Variants in ACSF3 observed in about 807,000 individuals in gnomAD.
ACSF3 encodes acyl-CoA synthetase family member 3, also known as malonate--CoA ligase ACSF3, mitochondrial.
A neutral mutation model predicts 53.2 loss-of-function variants in ACSF3; 78 were observed. That is an observed-to-expected ratio of 1.47 (90% CI 1.22 to 1.77). ACSF3 has a LOEUF of 1.77. Ranked by LOEUF, ACSF3 falls within the 40% of genes most tolerant of loss-of-function variation. The pLI is 0.00. For missense variants in ACSF3, 937 were observed against 771.1 expected, an observed-to-expected ratio of 1.22 and a Z score of -2.55; for synonymous variants, 414 against 333.1, an observed-to-expected ratio of 1.24 and a Z score of -2.65.
In ACSF3 at chr16:89,154,422, C is replaced by A. The variant is rs1597283068; in HGVS notation, c.*215C>A. The A allele has an allele frequency of 1.5e-6, 1 of 672,840 alleles. No individual in the cohort carries two copies. The highest frequency in any genetic ancestry group is 2.7e-6 in the Non-Finnish European group (1 of 368,474). The allele number at this position is 672,840 out of a possible 1,614,324, so 41.7% of individuals were successfully genotyped here. On this transcript the variant is annotated 3_prime_UTR_variant, in exon 11 of 11. Coordinates refer to ENST00000614302, the MANE Select transcript of ACSF3 (RefSeq NM_001243279.3). Reference sequence around the variant, plus strand: ...CTCAAGGAGACCGTCCCTGGTGTCACCTCTGCCTGGTCACCGCCGACCTCA... The same window carrying A: ...CTCAAGGAGACCGTCCCTGGTGTCAACTCTGCCTGGTCACCGCCGACCTCA...
rs769716004 is a variant in ACSF3 at position 89,101,001 on chromosome 16, C to G, written c.320C>G (p.Ser107Cys). The change falls in exon 3 of 11, where the codon TCC becomes TGC. Residue 107 changes from serine (S) to cysteine (C), a missense_variant. Transcript: ENST00000614302. ...TCCTTCCTATGCGCTAACGATGCCTCCTACGTCGTGGCCCAGTGGGCGTCA... is the reference window on the plus strand; with the variant it reads ...TCCTTCCTATGCGCTAACGATGCCTGCTACGTCGTGGCCCAGTGGGCGTCA... ...RVSFLCANDA[S>C]YVVAQWASWM... 2 of 1,613,728 alleles carry G rather than the reference C, an allele frequency of 1.2e-6. No individual in the cohort carries two copies.
chr16:89,095,435 G>A (rs1235119404), intron 1 of ACSF3: 1 of 152,128 alleles, frequency 6.6e-6, no homozygotes, highest in African/African-American at 2.4e-5. Flanking sequence ...CAATGTGAAT[G>A]TCTGTTACTT....
In ACSF3 at chr16:89,136,022, G is replaced by C. The variant is rs532696835; in HGVS notation, c.1366+2760G>C. On this transcript the variant is annotated intron_variant, in intron 8 of 10. Transcript: ENST00000614302. ...GCTCCTGGCCTCAGGTGATCCGCCCGCCTCGGCCTCCCACAGTGCTGGGAT... is the reference window on the plus strand; with the variant it reads ...GCTCCTGGCCTCAGGTGATCCGCCCCCCTCGGCCTCCCACAGTGCTGGGAT... Among the ~76,000 whole-genome samples the C allele has an allele frequency of 4.2e-4, 64 of 152,362 alleles. 1 individual carries two copies. In the South Asian group the frequency reaches 0.013, roughly 31 times the overall value.
In ACSF3 at chr16:89,114,094, G is replaced by C. The variant is rs922117073; in HGVS notation, c.978-245G>C. 1.6e-5 allele frequency: 9 copies of C among 572,478 alleles called. No homozygotes were observed. In the Admixed American group the frequency reaches 1.8e-4, roughly 11 times the overall value. The allele number at this position is 572,478 out of a possible 1,614,324, so 35.5% of individuals were successfully genotyped here. ...TTTACCCTCATTAGCTGTTGGACCT[G>C]CTTCCTTCTAAAATACACCCAACAG... On this transcript the variant is annotated intron_variant, in intron 5 of 10. Transcript: ENST00000614302.
intron 8 of ACSF3, among the ~76,000 whole-genome samples, chr16:89,144,949 C>T (rs1051248301): frequency 6.6e-6 from 1 of 152,234 alleles, no homozygotes; most frequent in African/African-American, 2.4e-5. Flanking sequence ...CTGCTCCTGG[C>T]AGGCTCTGGA....
chr16:89,110,236 A>G (rs1976528618), intron 4 of ACSF3, among the ~76,000 whole-genome samples: 1 of 152,218 alleles, frequency 6.6e-6, no homozygotes, highest in East Asian at 1.9e-4. Context: ...AGGTCATGTC[A>G]TGAAGATATT....
At chr16:89,131,138 T>TC (rs1445050908) in intron 7 of ACSF3, among the ~76,000 whole-genome samples, 2 of 134,510 alleles carry the variant, frequency 1.5e-5, no homozygotes, top group Non-Finnish European at 3.2e-5. Context: ...TTTTTTTTTT[T>TC]TTTTTTTTTT....
At chr16:89,111,209 C>G (rs903295895) in intron 4 of ACSF3, among the ~76,000 whole-genome samples, 10 of 152,344 alleles carry the variant, frequency 6.6e-5, no homozygotes, top group South Asian at 2.1e-4. Flanking sequence ...TCTTTGTGTC[C>G]TTACATGCTT....
At chr16:89,109,637 C>G (rs1976451711) in intron 4 of ACSF3, among the ~76,000 whole-genome samples, 1 of 152,100 alleles carries the variant, frequency 6.6e-6, no homozygotes, top group South Asian at 2.1e-4. Flanking sequence ...GTCTTGAACT[C>G]CTGACCTCAA....
Position 89,154,834 on chromosome 16 carries a change from T to G in ACSF3, c.*627T>G. 2.2e-6 allele frequency: 1 copy of G among 454,122 alleles called. No individual in the cohort carries two copies. The highest frequency in any genetic ancestry group is 2.3e-5 in the Admixed American group (1 of 42,576). The allele number at this position is 454,122 out of a possible 1,614,324, so 28.1% of individuals were successfully genotyped here. A position where few individuals can be genotyped will look rare whatever the true frequency, so the allele number is the denominator to read the frequency against. ...ACACTACTGTGTGTCCATCAGCATG[T>G]GTCACAGAAAGTGCGTGGACGGATG... On this transcript the variant is annotated 3_prime_UTR_variant, in exon 11 of 11. Coordinates refer to ENST00000614302, the MANE Select transcript of ACSF3 (RefSeq NM_001243279.3).
At chr16:89,108,347 G>T (rs1314092372) in intron 4 of ACSF3, among the ~76,000 whole-genome samples, 1 of 152,186 alleles carries the variant, frequency 6.6e-6, no homozygotes, top group Non-Finnish European at 1.5e-5. Flanking sequence ...TTTCCCTTCA[G>T]CCTGGAGAAC....
chr16:89,136,805 A>C, intron 8 of ACSF3: 2 of 1,287,046 alleles, frequency 1.6e-6, no homozygotes, highest in Non-Finnish European at 2.0e-6. Flanking sequence ...CTGCTGCTCA[A>C]GGAGATGGCA....
chr16:89,145,765 C>T (rs1474121489), intron 9 of ACSF3, among the ~76,000 whole-genome samples, 173 bp from the exon 10 acceptor site: 1 of 152,196 alleles, frequency 6.6e-6, no homozygotes, highest in African/African-American at 2.4e-5. Flanking sequence ...CGTCCTCACT[C>T]CCCTCCCCAC....
chr16:89,152,581 C>G (rs1341857502), intron 10 of ACSF3: 5 of 152,244 alleles, frequency 3.3e-5, no homozygotes, highest in African/African-American at 1.2e-4. Context: ...GCAATCCAGC[C>G]TGGGCGACAG....
intron 9 of ACSF3, 104 bp downstream of exon 9, chr16:89,145,505 T>A: frequency 2.9e-6 from 4 of 1,374,510 alleles, no homozygotes; most frequent in Non-Finnish European, 4.0e-6. Context: ...CCCAGCTGCC[T>A]GCAGGGGTCC....
intron 3 of ACSF3, 129 bp downstream of exon 3, chr16:89,101,476 C>T (rs1975333987): frequency 6.6e-7 from 1 of 1,521,264 alleles, no homozygotes; most frequent in Non-Finnish European, 8.8e-7. Flanking sequence ...TCCTGCAGAC[C>T]CGTGTGAGAT....
At position 89,155,218 on chromosome 16, in the gene ACSF3, C is replaced by A; in HGVS notation, c.*1011C>A. 2.2e-6 allele frequency: 1 copy of A among 454,168 alleles called. No homozygotes were observed. Among genetic ancestry groups the A allele is most frequent in the East Asian group, 6.9e-5 (1 of 14,400 alleles). 28.1% of individuals were successfully genotyped at this position (454,168 alleles called of 1,614,324 possible). The stretch of plus-strand genomic sequence containing the variant: ...GAATAGGCTGCCTCCTCCCCACAGC[C>A]TGGGGGAAGTAACAGTCATCGCCCA... On this transcript the variant is annotated 3_prime_UTR_variant, in exon 11 of 11. Transcript: ENST00000614302.
At chr16:89,144,412 G>A (rs964280126) in intron 8 of ACSF3, among the ~76,000 whole-genome samples, 1 of 152,204 alleles carries the variant, frequency 6.6e-6, no homozygotes, top group African/African-American at 2.4e-5. Flanking sequence ...GCACCAGCAG[G>A]AGGCTCCAGG....
At chr16:89,138,015 G>A (rs1418348998) in intron 8 of ACSF3, among the ~76,000 whole-genome samples, 1 of 152,228 alleles carries the variant, frequency 6.6e-6, no homozygotes, top group African/African-American at 2.4e-5. Flanking sequence ...GTGGCAAAGG[G>A]TTAAAGGGAC....
Sources: allele counts gnomAD v4.1 joint callset (sites outside exome capture counted in the v4.1 genomes callset), GRCh38; gene constraint gnomAD v4.1.1; transcripts MANE v1.5; gene names NCBI Gene and HGNC (gene_info 2026-07-23, HGNC 2026-07-21).